The following SLC35F1 variants were observed in gnomAD, a reference collection of about 807,000 sequenced individuals.
The protein encoded by SLC35F1 is chromosome 6 open reading frame 169.
A neutral mutation model predicts 48.7 loss-of-function variants in SLC35F1; 14 were observed. That is an observed-to-expected ratio of 0.29 (90% confidence interval 0.19 to 0.45). SLC35F1 has a LOEUF of 0.45. Among genes scored for constraint, SLC35F1 ranks in the 20% least tolerant of loss-of-function variants. The pLI is 1.00. For missense variants in SLC35F1, 404 were observed against 500.0 expected (o/e 0.81, Z 1.83); for synonymous variants, 190 against 202.2 (o/e 0.94, Z 0.51).
intron 1 of SLC35F1, among the ~76,000 whole-genome samples, chr6:118,130,634 A>C (rs1773696773): frequency 6.6e-6 from 1 of 152,160 alleles, no homozygotes; most frequent in African/African-American, 2.4e-5. Context: ...CACATTACAC[A>C]ATGCCAAATG....
rs1336328542 is a variant in SLC35F1, at chr6:117,907,804, C to G, written c.78C>G (p.Ile26Met). 1.9e-6 allele frequency: 3 copies of G among 1,556,334 alleles called. No individual in the cohort carries two copies. Among genetic ancestry groups the G allele is most frequent in the Non-Finnish European group, 2.6e-6 (3 of 1,160,574 alleles). ...PAPPNHVVTT[I>M]ENLPAEGSGG... is the part of the protein sequence containing the mutation. ...CGCCGAACCATGTGGTGACCACCAT[C>G]GAGAACCTGCCGGCCGAGGGCAGCG... The change falls in exon 1 of 8, where the codon ATC becomes ATG. Residue 26 changes from isoleucine to methionine, a missense_variant. Around this residue, in one of 2 missense-constraint regions of SLC35F1, gnomAD observed 98 missense variants for 81.0 expected, o/e 1.21. Coordinates refer to ENST00000360388, the MANE Select transcript of SLC35F1 (RefSeq NM_001029858.4).
intron 1 of SLC35F1, among the ~76,000 whole-genome samples, chr6:118,007,692 A>G (rs1204045939): frequency 6.6e-6 from 1 of 152,198 alleles, no homozygotes; most frequent in Non-Finnish European, 1.5e-5. Flanking sequence ...AATTTGAAAC[A>G]AACACCCATT....
intron 1 of SLC35F1, among the ~76,000 whole-genome samples, chr6:118,054,646 C>T (rs571716034): frequency 2.0e-5 from 3 of 152,246 alleles, no homozygotes; most frequent in Admixed American, 6.5e-5. Flanking sequence ...CACCTTCTTC[C>T]CTTTCTGACA....
At chr6:118,209,616 T>C (rs1234694137) in intron 2 of SLC35F1, among the ~76,000 whole-genome samples, 2 of 152,170 alleles carry the variant, frequency 1.3e-5, no homozygotes, top group East Asian at 3.8e-4. Flanking sequence ...AACTAAAGTC[T>C]ATTAAGGATT....
chr6:118,287,723 T>C (rs1344375694), intron 7 of SLC35F1, among the ~76,000 whole-genome samples: 2 of 152,268 alleles, frequency 1.3e-5, no homozygotes, highest in Middle Eastern at 3.4e-3. Context: ...TCTGGGTCTG[T>C]CCTTTCCCAC....
intron 1 of SLC35F1, among the ~76,000 whole-genome samples, chr6:118,109,468 A>G (rs543926732): frequency 4.6e-5 from 7 of 152,308 alleles, no homozygotes; most frequent in South Asian, 4.1e-4. Flanking sequence ...CATAAACTTC[A>G]GCTGATAACT....
intron 1 of SLC35F1, among the ~76,000 whole-genome samples, chr6:117,988,705 A>G (rs1379911335): frequency 1.3e-5 from 2 of 152,190 alleles, no homozygotes; most frequent in Non-Finnish European, 2.9e-5. Context: ...CTGGAAGAAG[A>G]TAAACACCAT....
intron 1 of SLC35F1, among the ~76,000 whole-genome samples, chr6:118,109,873 T>G (rs1035612407): frequency 6.6e-6 from 1 of 152,176 alleles, no homozygotes; most frequent in Non-Finnish European, 1.5e-5. Context: ...AGCACTTACC[T>G]GTATCTTTAG....
At chr6:118,082,189 G>A (rs1440707084) in intron 1 of SLC35F1, among the ~76,000 whole-genome samples, 3 of 152,120 alleles carry the variant, frequency 2.0e-5, no homozygotes, top group South Asian at 2.1e-4. Flanking sequence ...AGGCAATTAC[G>A]ATTCTTTAAA....
At chr6:117,927,637 C>A (rs1410373232) in intron 1 of SLC35F1, among the ~76,000 whole-genome samples, 1 of 152,138 alleles carries the variant, frequency 6.6e-6, no homozygotes, top group Non-Finnish European at 1.5e-5. Flanking sequence ...TCTTTTAGGG[C>A]AGGGACTTCT....
intron 1 of SLC35F1, among the ~76,000 whole-genome samples, chr6:117,985,968 G>A (rs1486041829): frequency 6.6e-6 from 1 of 152,150 alleles, no homozygotes; most frequent in Non-Finnish European, 1.5e-5. Context: ...AATGTGATGG[G>A]GTATCACAAA....
rs532281086 is a variant in SLC35F1, at chr6:118,235,206, T to G, written c.350-303T>G. 8.5e-5 allele frequency among the ~76,000 whole-genome samples: 13 copies of G among 152,318 alleles called. No homozygotes were observed. In the East Asian group the frequency reaches 2.5e-3, roughly 29 times the overall value. ...TTCTGGTACACCTTTCCTTTCATTT[T>G]CATATGATGTAATTATGTTATCCTT... On this transcript the variant is annotated intron_variant, in intron 2 of 7. Coordinates refer to ENST00000360388, the MANE Select transcript of SLC35F1 (RefSeq NM_001029858.4).
At chr6:118,159,033 A>T (rs1774186233) in intron 2 of SLC35F1, among the ~76,000 whole-genome samples, 1 of 151,746 alleles carries the variant, frequency 6.6e-6, no homozygotes, top group Admixed American at 6.6e-5. Flanking sequence ...ATCCTGGCTA[A>T]CATGGTGAAA....
intron 7 of SLC35F1, among the ~76,000 whole-genome samples, chr6:118,287,065 G>T (rs1283739459): frequency 3.3e-5 from 5 of 152,130 alleles, no homozygotes; most frequent in Non-Finnish European, 7.4e-5. Context: ...TTTATTGTTT[G>T]CAGTTTGTTT....
intron 1 of SLC35F1, among the ~76,000 whole-genome samples, chr6:117,932,703 A>C (rs1279784848): frequency 6.6e-6 from 1 of 152,216 alleles, no homozygotes; most frequent in East Asian, 1.9e-4. Flanking sequence ...TGAAGTTTTC[A>C]GGAAATGAAA....
chr6:118,161,255 C>A (rs1490075304), intron 2 of SLC35F1, among the ~76,000 whole-genome samples: 2 of 151,968 alleles, frequency 1.3e-5, no homozygotes, highest in East Asian at 1.9e-4. Flanking sequence ...TGAATCTTTG[C>A]CCCCTACTTT....
At chr6:118,040,691 G>A (rs911408851) in intron 1 of SLC35F1, among the ~76,000 whole-genome samples, 7 of 151,588 alleles carry the variant, frequency 4.6e-5, no homozygotes, top group African/African-American at 1.7e-4. Context: ...CATCCTCATC[G>A]TTTTACATAT....
chr6:118,026,735 T>G (rs1213014618), intron 1 of SLC35F1, among the ~76,000 whole-genome samples: 1 of 152,210 alleles, frequency 6.6e-6, no homozygotes. Flanking sequence ...AGTTAATGAG[T>G]TTGGGATGAA....
At chr6:118,131,242 A>G (rs1173714499) in intron 1 of SLC35F1, among the ~76,000 whole-genome samples, 2 of 131,494 alleles carry the variant, frequency 1.5e-5, no homozygotes, top group African/African-American at 5.2e-5. Context: ...TAGAAAGCAT[A>G]AAACAAAAAA....
Sources: allele counts gnomAD v4.1 joint callset (sites outside exome capture counted in the v4.1 genomes callset), GRCh38; gene constraint gnomAD v4.1.1; regional missense constraint gnomAD v4.1.1; transcripts MANE v1.5; gene names NCBI Gene and HGNC (gene_info 2026-07-23, HGNC 2026-07-21).